Variants in MTUS1 observed in about 807,000 individuals in gnomAD.
MTUS1 encodes the protein microtubule associated scaffold protein 1, also known as microtubule-associated tumor suppressor 1.
MTUS1 carries 109 observed loss-of-function variants against 120.8 expected under a neutral mutation model. The ratio of observed to expected loss-of-function variants is 0.90; its 90% CI spans 0.77 to 1.06. The LOEUF is 1.06. MTUS1 is among the 50% of genes least tolerant of loss of function. The pLI, the probability that MTUS1 is intolerant of heterozygous loss-of-function variation, is 0.00. For synonymous variants in MTUS1, 737 were observed against 550.5 expected, an observed-to-expected ratio of 1.34 and a Z score of -4.74; for missense variants, 2,210 against 1,486.3, an observed-to-expected ratio of 1.49 and a Z score of -8.01.
In MTUS1 at chr8:17,753,760, T is replaced by C; in HGVS notation, c.2048A>G (p.Gln683Arg). Residue 683 changes from glutamine to arginine, a missense_variant, in exon 2 of 15, where the codon CAA becomes CGA. Physicochemically the swap from Gln to Arg is conservative, Grantham distance 43. Transcript: ENST00000693296. ...GTSMEKQELKQEIMNETFEYG... is the reference protein window; with the variant it reads ...GTSMEKQELKREIMNETFEYG... The stretch of plus-strand genomic sequence containing the variant: ...TTCAAAAGTCTCATTCATAATCTCT[T>C]GTTTCAGCTCTTGTTTTTCCATAGA... 1 of 1,612,358 alleles carries C rather than the reference T, an allele frequency of 6.2e-7. No homozygotes were observed. The highest frequency in any genetic ancestry group is 8.5e-7 in the Non-Finnish European group (1 of 1,179,562).
intron 13 of MTUS1, among the ~76,000 whole-genome samples, chr8:17,648,534 C>T (rs555275731): frequency 5.6e-4 from 85 of 152,318 alleles, no homozygotes; most frequent in South Asian, 3.9e-3. Context: ...TCGAACAGGA[C>T]GACCTTTGGC....
intron 13 of MTUS1, chr8:17,647,289 A>G (rs1363471516): frequency 4.0e-6 from 2 of 501,844 alleles, no homozygotes; most frequent in African/African-American, 3.9e-5. Context: ...CATGTATGCC[A>G]GGACACTTAA....
rs545676050 is a variant in MTUS1 at position 17,787,152 on chromosome 8, G to A, written c.-155+13909C>T. On this transcript the variant is annotated intron_variant, in intron 1 of 14. Transcript: ENST00000693296. The stretch of plus-strand genomic sequence containing the variant: ...AGGGGCCACCGCTCCCTGACACCCT[G>A]TCAATTCCACTGCTCCACGCCAGGC... Among the ~76,000 whole-genome samples, 60 of 152,302 alleles carry A rather than the reference G, an allele frequency of 3.9e-4. 1 individual carries two copies. Among genetic ancestry groups the A allele is most frequent in the Admixed American group, 2.0e-3 (31 of 15,296 alleles).
Position 17,754,760 on chromosome 8 carries a change from A to G in MTUS1, c.1048T>C (p.Cys350Arg), listed in dbSNP as rs2048470127. The change falls in exon 2 of 15, where the codon TGC (cysteine) becomes CGC (arginine). Residue 350 changes from cysteine (C) to arginine (R), a missense_variant. Physicochemically the swap from Cys to Arg is radical, Grantham distance 180. Coordinates refer to ENST00000693296, the MANE Select transcript of MTUS1 (RefSeq NM_001363059.2). ...TVSYCLIDDE[C>R]PLMVPAFDKS... is the part of the protein sequence containing the mutation. Reference sequence around the variant, plus strand: ...TCAAAAGCTGGCACCATTAAAGGGCATTCATCATCAATAAGACAATAGGAC... The same window carrying G: ...TCAAAAGCTGGCACCATTAAAGGGCGTTCATCATCAATAAGACAATAGGAC... The G allele has an allele frequency of 1.9e-6, 3 of 1,614,244 alleles. No homozygotes were observed. The highest frequency in any genetic ancestry group is 2.5e-6 in the Non-Finnish European group (3 of 1,180,042).
At position 17,644,467 on chromosome 8, in the gene MTUS1, C is replaced by T. The variant is rs1182778161; in HGVS notation, c.*1459G>A. On this transcript the variant is annotated 3_prime_UTR_variant, in exon 15 of 15. Coordinates refer to ENST00000693296, the MANE Select transcript of MTUS1 (RefSeq NM_001363059.2). ...GGGGGAGATAAAGCAACAGTTCTTC[C>T]TTCCACCTTTTCCAAAGTCTCAGGA... 6.6e-6 allele frequency: 1 copy of T among 152,626 alleles called. No individual in the cohort carries two copies. The highest frequency in any genetic ancestry group is 2.4e-5 in the African/African-American group (1 of 41,438). 9.5% of individuals were successfully genotyped at this position (152,626 alleles called of 1,614,324 possible).
chr8:17,707,225 C>A (rs1820351727), intron 6 of MTUS1, among the ~76,000 whole-genome samples: 1 of 152,042 alleles, frequency 6.6e-6, no homozygotes, highest in Non-Finnish European at 1.5e-5. Context: ...AGAAATCCAC[C>A]CTTTCAGTTA....
At chr8:17,769,932 G>A (rs1053267699) in intron 1 of MTUS1, among the ~76,000 whole-genome samples, 3 of 149,592 alleles carry the variant, frequency 2.0e-5, no homozygotes, top group Non-Finnish European at 4.4e-5. Flanking sequence ...ACACACGGGG[G>A]GGGTTGGGGG....
chr8:17,712,189 T>C (rs1400523882), intron 6 of MTUS1, among the ~76,000 whole-genome samples: 2 of 152,164 alleles, frequency 1.3e-5, no homozygotes, highest in East Asian at 3.9e-4. Context: ...CTCCAGAAAA[T>C]GAGCGATGCT....
chr8:17,677,906 T>C (rs961288107), intron 7 of MTUS1, among the ~76,000 whole-genome samples: 5 of 152,204 alleles, frequency 3.3e-5, no homozygotes, highest in East Asian at 1.9e-4. Context: ...GCATTTTTCA[T>C]AGCAGATGCT....
rs1248722500 is a variant in MTUS1, at chr8:17,674,158, C to A, written c.2905+1028G>T. Among the ~76,000 whole-genome samples the A allele has an allele frequency of 1.2e-4, 18 of 152,192 alleles. No homozygotes were observed. The South Asian group carries it at 3.3e-3, about 28-fold the overall frequency. On this transcript the variant is annotated intron_variant, in intron 8 of 14. Transcript: ENST00000693296. ...GTTGACGTAGAAAAGGGAGTGTCGG[C>A]TGGGTGCGGTGGCTCACACCTATAA...
At chr8:17,681,170 G>A (rs1814403277) in intron 7 of MTUS1, among the ~76,000 whole-genome samples, 2 of 152,128 alleles carry the variant, frequency 1.3e-5, no homozygotes, top group African/African-American at 4.8e-5. Context: ...CTGACCTCAG[G>A]TGATCCACCC....
intron 4 of MTUS1, among the ~76,000 whole-genome samples, chr8:17,721,383 C>A (rs2045830836): frequency 6.6e-6 from 1 of 152,124 alleles, no homozygotes; most frequent in Non-Finnish European, 1.5e-5. Flanking sequence ...TACACTTGCA[C>A]AACTACCAGC....
At chr8:17,800,685 C>G (rs2052614119) in intron 1 of MTUS1, 1 of 152,226 alleles carries the variant, frequency 6.6e-6, no homozygotes, top group African/African-American at 2.4e-5. Context: ...TCTTTGGGAC[C>G]TGCAGCAACC....
chr8:17,713,577 TGCACATATG>T (rs1821750820), intron 5 of MTUS1, among the ~76,000 whole-genome samples: 1 of 152,218 alleles, frequency 6.6e-6, no homozygotes, highest in African/African-American at 2.4e-5. Flanking sequence ...TCACAGACTG[TGCACATATG>T]CCATTCTGCT....
intron 3 of MTUS1, chr8:17,734,056 A>G (rs1348962266): frequency 6.6e-6 from 1 of 152,206 alleles, no homozygotes; most frequent in Non-Finnish European, 1.5e-5. Context: ...AAAATCCTAC[A>G]GTTCTTTTTA....
chr8:17,726,203 T>C (rs2046220033), intron 3 of MTUS1, among the ~76,000 whole-genome samples: 1 of 152,114 alleles, frequency 6.6e-6, no homozygotes, highest in African/African-American at 2.4e-5. Context: ...GCCTACTGAA[T>C]CACCACCTGC....
intron 1 of MTUS1, among the ~76,000 whole-genome samples, chr8:17,757,596 G>A (rs564251274): frequency 3.9e-5 from 6 of 152,216 alleles, no homozygotes; most frequent in East Asian, 1.9e-4. Context: ...ATGCAATCTC[G>A]GCTCACTGCA....
upstream of MTUS1, chr8:17,801,493 G>GCC (rs2052671456): frequency 7.1e-6 from 1 of 140,046 alleles, no homozygotes; most frequent in South Asian, 2.1e-4. Context: ...GGGCGCTCCC[G>GCC]CTCTCCGCTC....
At chr8:17,700,330 C>A (rs776753785) in intron 6 of MTUS1, among the ~76,000 whole-genome samples, 2 of 151,768 alleles carry the variant, frequency 1.3e-5, no homozygotes, top group African/African-American at 2.4e-5. Context: ...ATTAGCTGGG[C>A]ATGGTGACAG....
Sources: allele counts gnomAD v4.1 joint callset (sites outside exome capture counted in the v4.1 genomes callset), GRCh38; gene constraint gnomAD v4.1.1; transcripts MANE v1.5; gene names NCBI Gene and HGNC (gene_info 2026-07-23, HGNC 2026-07-21).